CDK6: variants seen among roughly 807,000 people sequenced by gnomAD.
CDK6 encodes cyclin-dependent kinase 6.
In CDK6, 6 loss-of-function variants were observed where a neutral mutation model predicts 37.1. The ratio of observed to expected loss-of-function variants is 0.16; its 90% CI spans 0.09 to 0.32. The LOEUF (loss-of-function observed/expected upper bound fraction) is 0.32. Among genes scored for constraint, CDK6 ranks in the 10% least tolerant of loss-of-function variants. The probability of loss-of-function intolerance (pLI) is 1.00; values close to 1 mark genes in which losing one functional copy is unlikely to be tolerated. For missense variants in CDK6, 224 were observed against 418.9 expected, an observed-to-expected ratio of 0.53 and a Z score of 4.06; for synonymous variants, 160 against 161.3, an observed-to-expected ratio of 0.99 and a Z score of 0.06.
chr7:92,807,321 A>G (rs1800751563), intron 2 of CDK6, among the ~76,000 whole-genome samples: 1 of 152,106 alleles, frequency 6.6e-6, no homozygotes, highest in Non-Finnish European at 1.5e-5. Context: ...AGAGATATCT[A>G]TATCTAGATA....
intron 5 of CDK6, among the ~76,000 whole-genome samples, chr7:92,652,348 T>C (rs1796596114): frequency 6.6e-6 from 1 of 152,252 alleles, no homozygotes; most frequent in African/African-American, 2.4e-5. Flanking sequence ...TACGTCTTTA[T>C]AATTCTTTCT....
chr7:92,695,835 G>A (rs1402132564), intron 4 of CDK6, among the ~76,000 whole-genome samples: 1 of 152,204 alleles, frequency 6.6e-6, no homozygotes, highest in African/African-American at 2.4e-5. Context: ...CTTCGCCTCT[G>A]TTTTCAAAGC....
intron 6 of CDK6, chr7:92,618,408 CAGA>C: frequency 1.9e-6 from 1 of 527,772 alleles, no homozygotes. Flanking sequence ...GGTAATCTCA[CAGA>C]AGAATTGTAA....
In CDK6 at chr7:92,613,699, T is replaced by A. The variant is rs570222063; in HGVS notation, c.*1441A>T. 2.1e-5 allele frequency: 5 copies of A among 232,904 alleles called. No homozygotes were observed. Among genetic ancestry groups the A allele is most frequent in the Non-Finnish European group, 3.4e-5 (4 of 117,950 alleles). 14.4% of individuals were successfully genotyped at this position (232,904 alleles called of 1,614,324 possible). On this transcript the variant is annotated 3_prime_UTR_variant, in exon 8 of 8. Coordinates refer to ENST00000424848, the MANE Select transcript of CDK6 (RefSeq NM_001145306.2). ...ACATAGCTAAAGACATACCCTCAGG[T>A]AAAGACACTGAAAATATCTTCTATA... is the stretch of plus-strand genomic sequence containing the variant.
chr7:92,722,814 A>G (rs1798398700), intron 4 of CDK6, among the ~76,000 whole-genome samples: 1 of 152,232 alleles, frequency 6.6e-6, no homozygotes, highest in East Asian at 1.9e-4. Flanking sequence ...GTTAGGGCTG[A>G]ATAAGATGAG....
chr7:92,711,552 ATTTTTTTTTT>A (rs11285626), intron 4 of CDK6, among the ~76,000 whole-genome samples: 236 of 56,636 alleles, frequency 4.2e-3, no homozygotes, highest in Middle Eastern at 0.029. Flanking sequence ...GAATGGTCAA[ATTTTTTTTTT>A]TTTTTTTTTT....
intron 3 of CDK6, among the ~76,000 whole-genome samples, chr7:92,753,251 G>T (rs1799229509): frequency 6.6e-6 from 1 of 151,990 alleles, no homozygotes; most frequent in South Asian, 2.1e-4. Flanking sequence ...AACAAGAGTA[G>T]ATGAAAAATC....
rs138515725 is a variant in CDK6 at position 92,638,595 on chromosome 7, G to A, written c.648-15509C>T. Reference sequence around the variant, plus strand: ...AGACTGGGCAGGAACCTCAGTCCAGGTCTGCCATTGACCGGCTGTGACCCT... The same window carrying A: ...AGACTGGGCAGGAACCTCAGTCCAGATCTGCCATTGACCGGCTGTGACCCT... On this transcript the variant is annotated intron_variant, in intron 5 of 7. Transcript: ENST00000424848. 1.8e-3 allele frequency among the ~76,000 whole-genome samples: 271 copies of A among 152,282 alleles called. 2 individuals are homozygous for A. The highest frequency in any genetic ancestry group is 6.3e-3 in the African/African-American group (262 of 41,570).
intron 2 of CDK6, among the ~76,000 whole-genome samples, chr7:92,806,144 T>TA (rs958203365): frequency 6.6e-6 from 1 of 152,200 alleles, no homozygotes; most frequent in Non-Finnish European, 1.5e-5. Context: ...AATAAGTTTT[T>TA]AAAAAATCTA....
intron 5 of CDK6, among the ~76,000 whole-genome samples, chr7:92,626,828 G>A (rs1183340512): frequency 6.6e-6 from 1 of 151,966 alleles, no homozygotes; most frequent in African/African-American, 2.4e-5. Flanking sequence ...GATAGATGGA[G>A]GTGGTGGGGA....
chr7:92,685,014 T>C (rs1207694803), intron 4 of CDK6, among the ~76,000 whole-genome samples: 1 of 152,210 alleles, frequency 6.6e-6, no homozygotes, highest in African/African-American at 2.4e-5. Context: ...CTTTATTTAA[T>C]TTCCTCTTTC....
intron 4 of CDK6, among the ~76,000 whole-genome samples, chr7:92,681,498 T>C (rs1477744415): frequency 1.3e-5 from 2 of 152,200 alleles, no homozygotes; most frequent in Admixed American, 1.3e-4. Flanking sequence ...CAGATCTACC[T>C]ACAAAAGGCC....
Position 92,760,355 on chromosome 7 carries a change from T to C in CDK6, c.369+14341A>G, listed in dbSNP as rs574818795. Among the ~76,000 whole-genome samples the C allele has an allele frequency of 1.5e-3, 233 of 152,274 alleles. 2 individuals are homozygous for C. Among genetic ancestry groups the C allele is most frequent in the African/African-American group, 5.1e-3 (212 of 41,564 alleles). On this transcript the variant is annotated intron_variant, in intron 3 of 7. Coordinates refer to ENST00000424848, the MANE Select transcript of CDK6 (RefSeq NM_001145306.2). Reference sequence around the variant, plus strand: ...TCAATATCATCATCATCAGTAAACATGTACTGAATGTTTTTAATGTATACA... The same window carrying C: ...TCAATATCATCATCATCAGTAAACACGTACTGAATGTTTTTAATGTATACA...
rs5885811 is a variant in CDK6, at chr7:92,606,637, AT to A, written c.*8502del. On this transcript the variant is annotated 3_prime_UTR_variant, in exon 8 of 8. Coordinates refer to ENST00000424848, the MANE Select transcript of CDK6 (RefSeq NM_001145306.2). Reference sequence around the variant, plus strand: ...CTAACAAGTCAAATTTCCAAATTAGATTTTTTTTTTTTACTTTCAAAACATT... The same window carrying A: ...CTAACAAGTCAAATTTCCAAATTAGATTTTTTTTTTTACTTTCAAAACATT... 534 of 219,294 alleles carry A rather than the reference AT, an allele frequency of 2.4e-3. No individual in the cohort carries two copies. Among genetic ancestry groups the A allele is most frequent in the Non-Finnish European group, 3.8e-3 (415 of 110,342 alleles). The allele number at this position is 219,294 out of a possible 1,614,324, so 13.6% of individuals were successfully genotyped here.
chr7:92,644,515 C>CTT (rs1183473120), intron 5 of CDK6, among the ~76,000 whole-genome samples: 1 of 152,174 alleles, frequency 6.6e-6, no homozygotes, highest in African/African-American at 2.4e-5. Context: ...ACAATATTTC[C>CTT]TTTAACTACT....
In CDK6 at chr7:92,833,643, G is replaced by T. The variant is rs976433684; in HGVS notation, c.-320C>A. The T allele has an allele frequency of 4.0e-5, 20 of 504,094 alleles. No individual in the cohort carries two copies. In the Middle Eastern group the frequency reaches 2.0e-3, roughly 51 times the overall value. 31.2% of individuals were successfully genotyped at this position (504,094 alleles called of 1,614,324 possible). The stretch of plus-strand genomic sequence containing the variant: ...GAAGCGAAGTCCTCAACACAGACAC[G>T]ATTACATAGCCTCTGCCCAAGCGCG... On this transcript the variant is annotated 5_prime_UTR_variant, in exon 2 of 8. Transcript: ENST00000424848. This position sits in a 1 kb window ranked among gnomAD's most constrained non-coding sequence, Gnocchi z 6.1.
intron 5 of CDK6, among the ~76,000 whole-genome samples, chr7:92,655,484 A>G (rs995953364): frequency 1.3e-5 from 2 of 152,248 alleles, no homozygotes; most frequent in African/African-American, 4.8e-5. Context: ...TGATGCCTAG[A>G]GAATTCAATA....
chr7:92,672,242 CAT>C (rs1554401747), intron 4 of CDK6, among the ~76,000 whole-genome samples: 78 of 116,582 alleles, frequency 6.7e-4, no homozygotes, highest in African/African-American at 2.2e-3. Context: ...CACACACACA[CAT>C]ATATGAAGAT....
At chr7:92,786,781 CTT>C in intron 2 of CDK6, among the ~76,000 whole-genome samples, 1 of 151,112 alleles carries the variant, frequency 6.6e-6, no homozygotes, top group South Asian at 2.1e-4. Flanking sequence ...ACTGATACAT[CTT>C]TATTGAAAAT....
Sources: gnomAD v4.1 joint callset for allele counts (sites outside exome capture counted in the v4.1 genomes callset) on GRCh38, gnomAD v4.1.1 for gene constraint, Gnocchi (gnomAD v3.1) non-coding constraint, MANE v1.5 for transcripts, NCBI Gene and HGNC (gene_info 2026-07-23, HGNC 2026-07-21) for gene names.